Variants in ITGA9 observed in about 807,000 individuals in gnomAD.
The protein encoded by ITGA9 is integrin alpha-9.
ITGA9 carries 56 observed loss-of-function variants against 127.8 expected under a neutral mutation model. The ratio of observed to expected loss-of-function variants is 0.44; its 90% CI spans 0.35 to 0.55. The LOEUF (loss-of-function observed/expected upper bound fraction) is 0.55. Among genes scored for constraint, ITGA9 ranks in the 20% least tolerant of loss-of-function variants. The pLI is 0.00. For synonymous variants in ITGA9, 508 were observed against 514.5 expected (o/e 0.99, Z 0.17); for missense variants, 1,196 against 1,347.1 (o/e 0.89, Z 1.76).
chr3:37,646,706 C>T (rs1700381529), intron 16 of ITGA9, among the ~76,000 whole-genome samples: 1 of 152,182 alleles, frequency 6.6e-6, no homozygotes, highest in Non-Finnish European at 1.5e-5. Flanking sequence ...GAGACTGCTT[C>T]CAAGCTGGGT....
At chr3:37,487,663 A>G (rs1459143356) in intron 4 of ITGA9, among the ~76,000 whole-genome samples, 14 of 152,142 alleles carry the variant, frequency 9.2e-5, no homozygotes. Flanking sequence ...TGTTATACAG[A>G]TGAGAAAACT....
chr3:37,690,449 A>T (rs571125684), intron 18 of ITGA9, among the ~76,000 whole-genome samples: 1 of 152,244 alleles, frequency 6.6e-6, no homozygotes, highest in East Asian at 1.9e-4. Flanking sequence ...TTTTTAGCCC[A>T]TTCTGGATTT....
intron 17 of ITGA9, among the ~76,000 whole-genome samples, chr3:37,663,864 C>T (rs1227084397): frequency 6.6e-6 from 1 of 152,208 alleles, no homozygotes; most frequent in Admixed American, 6.5e-5. Context: ...AAAATAACAG[C>T]AGCACCTTAT....
intron 15 of ITGA9, among the ~76,000 whole-genome samples, chr3:37,564,321 AT>A (rs1367454111): frequency 2.0e-5 from 3 of 152,048 alleles, no homozygotes; most frequent in Non-Finnish European, 4.4e-5. Flanking sequence ...ATATGTAGAG[AT>A]TTTTCTCTAG....
chr3:37,780,237 C>T (rs1405241234), intron 25 of ITGA9, among the ~76,000 whole-genome samples: 2 of 152,048 alleles, frequency 1.3e-5, no homozygotes, highest in Non-Finnish European at 2.9e-5. Flanking sequence ...TATATTGTAT[C>T]GTGATGAAAT....
chr3:37,779,529 G>A (rs1411379712), intron 24 of ITGA9, among the ~76,000 whole-genome samples: 1 of 152,156 alleles, frequency 6.6e-6, no homozygotes, highest in Non-Finnish European at 1.5e-5. Context: ...ACAGGTGGAA[G>A]TCACATAATG....
At position 37,629,361 on chromosome 3, in the gene ITGA9, A is replaced by G. The variant is rs1440443411; in HGVS notation, c.1839+25A>G. The stretch of plus-strand genomic sequence containing the variant: ...GGTCAGAACCTTAAAGCTCATACTC[A>G]GCACCCAAGGTGGCAGCTGCACAGA... On this transcript the variant is annotated intron_variant, in intron 16 of 27. Coordinates refer to ENST00000264741, the MANE Select transcript of ITGA9 (RefSeq NM_002207.3). The surrounding 1 kb of genome is among the most constrained non-coding windows in gnomAD (Gnocchi z 4.5). 1 of 1,613,172 alleles carries G rather than the reference A, an allele frequency of 6.2e-7. No homozygotes were observed. The highest frequency in any genetic ancestry group is 8.5e-7 in the Non-Finnish European group (1 of 1,179,664).
rs764851288 is a variant in ITGA9 at position 37,747,895 on chromosome 3, A to AT, written c.2434-2559dup. Among the ~76,000 whole-genome samples, 264 of 151,454 alleles carry AT rather than the reference A, an allele frequency of 1.7e-3. 1 individual carries two copies. Among genetic ancestry groups the AT allele is most frequent in the Admixed American group, 4.5e-3 (69 of 15,206 alleles). ...AGTTACACACCACCACGCCTAGCTAATTTTTTTTGTGGAGAGGGGGTCGGG... is the reference window on the plus strand; with the variant it reads ...AGTTACACACCACCACGCCTAGCTAATTTTTTTTTGTGGAGAGGGGGTCGGG... On this transcript the variant is annotated intron_variant, in intron 22 of 27. Coordinates refer to ENST00000264741, the MANE Select transcript of ITGA9 (RefSeq NM_002207.3).
intron 20 of ITGA9, 53 bp downstream of exon 20, chr3:37,737,036 G>A: frequency 8.8e-7 from 1 of 1,141,564 alleles, no homozygotes; most frequent in Admixed American, 1.7e-5. Context: ...TATGGGACCA[G>A]GAAAGGATGT....
chr3:37,512,023 CTT>C lies in ITGA9; in HGVS notation c.898-1737_898-1736del, dbSNP rs748640006. 2.6e-4 allele frequency among the ~76,000 whole-genome samples: 7 copies of C among 27,354 alleles called. 1 individual carries two copies. Among genetic ancestry groups the C allele is most frequent in the Admixed American group, 4.4e-4 (1 of 2,250 alleles). 17.9% of individuals were successfully genotyped at this position (27,354 alleles called of 152,430 possible). A position where few individuals can be genotyped will look rare whatever the true frequency, so the allele number is the denominator to read the frequency against. On this transcript the variant is annotated intron_variant, in intron 8 of 27. Transcript: ENST00000264741. ...CTTTTCTTTTCTTTTCTTTTCTTTT[CTT>C]TTCTTTCTTTCTTTCTTTCTTTCTT...
At chr3:37,472,481 C>T (rs1339200842) in intron 2 of ITGA9, among the ~76,000 whole-genome samples, 1 of 152,204 alleles carries the variant, frequency 6.6e-6, no homozygotes, top group Non-Finnish European at 1.5e-5. Flanking sequence ...TCACTGCAAC[C>T]TCTGCCTCCC....
intron 27 of ITGA9, 117 bp downstream of exon 27, chr3:37,804,059 T>C (rs2125562616): frequency 6.9e-7 from 1 of 1,449,260 alleles, no homozygotes; most frequent in Non-Finnish European, 9.6e-7. Flanking sequence ...ACCGGTACAG[T>C]GAAGGACAGT....
chr3:37,566,813 C>T (rs1268396713), intron 15 of ITGA9, among the ~76,000 whole-genome samples: 4 of 152,210 alleles, frequency 2.6e-5, no homozygotes. Context: ...TCCCTGTCCC[C>T]AGCACTGAGA....
At chr3:37,547,992 G>A (rs1699344173) in intron 15 of ITGA9, among the ~76,000 whole-genome samples, 1 of 152,136 alleles carries the variant, frequency 6.6e-6, no homozygotes, top group African/African-American at 2.4e-5. Flanking sequence ...TATGCAAATA[G>A]TAGTATACTG....
intron 15 of ITGA9, among the ~76,000 whole-genome samples, chr3:37,557,844 A>G (rs1699446024): frequency 6.6e-6 from 1 of 152,218 alleles, no homozygotes; most frequent in African/African-American, 2.4e-5. Flanking sequence ...CCATTGAGGG[A>G]TCTGAGATTT....
intron 15 of ITGA9, among the ~76,000 whole-genome samples, chr3:37,591,784 C>T (rs1323630824): frequency 1.3e-5 from 2 of 152,344 alleles, no homozygotes; most frequent in African/African-American, 4.8e-5. Context: ...TCTAACCCAT[C>T]CCCAGCAGCA....
intron 15 of ITGA9, among the ~76,000 whole-genome samples, chr3:37,548,702 G>C (rs991814246): frequency 2.0e-5 from 3 of 152,092 alleles, no homozygotes; most frequent in African/African-American, 7.2e-5. Flanking sequence ...TAGTATCCTG[G>C]CTGAGGACCC....
At position 37,814,048 on chromosome 3, in the gene ITGA9, C is replaced by T. The variant is rs1327645821; in HGVS notation, c.3010-4843C>T. Among the ~76,000 whole-genome samples, 1 of 152,068 alleles carries T rather than the reference C, an allele frequency of 6.6e-6. No homozygotes were observed. On this transcript the variant is annotated intron_variant, in intron 27 of 27. Coordinates refer to ENST00000264741, the MANE Select transcript of ITGA9 (RefSeq NM_002207.3). The surrounding 1 kb of genome is among the most constrained non-coding windows in gnomAD (Gnocchi z 4.3). ...TGAAAATTGAATTTTCAAAAAATTT[C>T]TCAAAAATCTTTGAGAAAAATTGAG...
At chr3:37,544,936 G>A (rs1016754698) in intron 15 of ITGA9, among the ~76,000 whole-genome samples, 3 of 152,232 alleles carry the variant, frequency 2.0e-5, no homozygotes, top group Admixed American at 1.3e-4. Context: ...CTGGGCTGTA[G>A]CAGAGGACTG....
Sources: gnomAD v4.1 joint callset for allele counts (sites outside exome capture counted in the v4.1 genomes callset) on GRCh38, gnomAD v4.1.1 for gene constraint, Gnocchi (gnomAD v3.1) non-coding constraint, MANE v1.5 for transcripts, NCBI Gene and HGNC (gene_info 2026-07-23, HGNC 2026-07-21) for gene names.